The following SCMH1 variants were observed in gnomAD, a reference collection of about 807,000 sequenced individuals.
SCMH1 encodes Scm polycomb group protein homolog 1, also known as polycomb protein SCMH1.
In SCMH1, 37 loss-of-function variants were observed where a neutral mutation model predicts 70.8. The observed-to-expected ratio is 0.52, with a 90% CI of 0.40 to 0.69. SCMH1 has a LOEUF of 0.69. SCMH1 is among the 30% of genes least tolerant of loss of function. SCMH1 has a pLI of 0.00. For missense variants in SCMH1, 607 were observed against 827.3 expected (o/e 0.73, Z 3.27); for synonymous variants, 292 against 307.4 (o/e 0.95, Z 0.52).
intron 12 of SCMH1, among the ~76,000 whole-genome samples, chr1:41,039,798 G>A (rs1645860202): frequency 6.6e-6 from 1 of 151,984 alleles, no homozygotes; most frequent in Non-Finnish European, 1.5e-5. Flanking sequence ...CTTTCAAACT[G>A]TGTTCTACAG....
chr1:41,122,748 A>T (rs1672253448), intron 6 of SCMH1, among the ~76,000 whole-genome samples: 1 of 152,172 alleles, frequency 6.6e-6, no homozygotes, highest in Admixed American at 6.5e-5. Flanking sequence ...ACAAAGTCAG[A>T]TCTCTTTTAA....
At chr1:41,074,902 A>G (rs1657752051) in intron 9 of SCMH1, among the ~76,000 whole-genome samples, 1 of 152,150 alleles carries the variant, frequency 6.6e-6, no homozygotes, top group Admixed American at 6.5e-5. Context: ...TCGCTCTGTC[A>G]CCCAGGCTGC....
At chr1:41,089,593 T>A (rs145047330) in intron 8 of SCMH1, among the ~76,000 whole-genome samples, 46 of 152,210 alleles carry the variant, frequency 3.0e-4, no homozygotes, top group African/African-American at 1.1e-3. Flanking sequence ...GCTACCAGAG[T>A]GAGCCTGTTA....
exon 15 of SCMH1, chr1:41,028,085 G>T: frequency 7.2e-7 from 1 of 1,385,954 alleles, no homozygotes; most frequent in East Asian, 2.3e-5. Flanking sequence ...TTGGAGTCCT[G>T]AGGTGGCCCG....
intron 8 of SCMH1, among the ~76,000 whole-genome samples, chr1:41,101,356 T>C (rs1572122365): frequency 6.6e-6 from 1 of 152,184 alleles, no homozygotes; most frequent in East Asian, 1.9e-4. Flanking sequence ...AGGTGGGAGG[T>C]TGAATTTGAT....
chr1:41,044,568 G>A (rs1478790783), intron 12 of SCMH1, among the ~76,000 whole-genome samples: 1 of 152,160 alleles, frequency 6.6e-6, no homozygotes, highest in Non-Finnish European at 1.5e-5. Flanking sequence ...GAAGCAAATA[G>A]AAACTAGAGT....
intron 1 of SCMH1, among the ~76,000 whole-genome samples, chr1:41,216,129 T>C (rs925692589): frequency 2.0e-5 from 3 of 152,176 alleles, no homozygotes; most frequent in East Asian, 3.9e-4. Flanking sequence ...CAAATTGAAA[T>C]GACAGCCCTG....
intron 2 of SCMH1, among the ~76,000 whole-genome samples, chr1:41,166,219 C>T (rs568337147): frequency 6.6e-6 from 1 of 152,198 alleles, no homozygotes; most frequent in South Asian, 2.1e-4. Context: ...TTTATGCCAG[C>T]ATCATGCTTT....
chr1:41,121,833 G>A (rs972431150), intron 6 of SCMH1, among the ~76,000 whole-genome samples: 6 of 151,952 alleles, frequency 3.9e-5, no homozygotes, highest in African/African-American at 1.5e-4. Flanking sequence ...AGTTTAATAG[G>A]TGGCACCCCT....
chr1:41,070,146 C>T (rs942266519), intron 10 of SCMH1, among the ~76,000 whole-genome samples: 2 of 152,098 alleles, frequency 1.3e-5, no homozygotes, highest in African/African-American at 4.8e-5. Flanking sequence ...ATTACCCACC[C>T]ATTTCATCCA....
chr1:41,057,358 C>T (rs560832744), intron 10 of SCMH1, among the ~76,000 whole-genome samples: 4 of 152,058 alleles, frequency 2.6e-5, no homozygotes, highest in East Asian at 1.9e-4. Context: ...CTCCGCCTCC[C>T]GGGTTCAAGC....
intron 8 of SCMH1, among the ~76,000 whole-genome samples, chr1:41,108,000 A>C (rs1251959770): frequency 2.0e-5 from 3 of 152,210 alleles, no homozygotes; most frequent in Non-Finnish European, 2.9e-5. Flanking sequence ...TACCCTCCAG[A>C]CCAGTGTAAG....
intron 8 of SCMH1, among the ~76,000 whole-genome samples, chr1:41,096,075 A>G (rs1183601478): frequency 1.3e-5 from 2 of 152,232 alleles, no homozygotes; most frequent in Non-Finnish European, 2.9e-5. Flanking sequence ...AATGTTAACA[A>G]TAGCAAAAGA....
intron 10 of SCMH1, among the ~76,000 whole-genome samples, chr1:41,067,938 A>G (rs148015882): frequency 1.3e-5 from 2 of 152,296 alleles, no homozygotes; most frequent in African/African-American, 4.8e-5. Context: ...CTACCACTCA[A>G]TTTTGCTGTG....
chr1:41,172,919 T>C (rs900678108), intron 2 of SCMH1, among the ~76,000 whole-genome samples: 4 of 151,966 alleles, frequency 2.6e-5, no homozygotes, highest in African/African-American at 9.7e-5. Flanking sequence ...CTACCTCTCA[T>C]CATGTACAAA....
rs894767626 is a variant in SCMH1, at chr1:41,106,821, CA to C, written c.745+6461del. Among the ~76,000 whole-genome samples, 83 of 151,952 alleles carry C rather than the reference CA, an allele frequency of 5.5e-4. 2 individuals are homozygous for C. The highest frequency in any genetic ancestry group is 1.8e-3 in the African/African-American group (76 of 41,266). ...TCTCCTGCCTCAGCCTCCCGAGTAG[CA>C]GGGACTGCAGACGTCAGCCACCACA... On this transcript the variant is annotated intron_variant, in intron 8 of 14. Transcript: ENST00000337495.
At chr1:41,198,160 C>T (rs1164547040) in intron 1 of SCMH1, among the ~76,000 whole-genome samples, 1 of 152,144 alleles carries the variant, frequency 6.6e-6, no homozygotes, top group Non-Finnish European at 1.5e-5. Flanking sequence ...GAGGGTGCTG[C>T]CTCAGCCCCC....
chr1:41,201,283 G>T (rs114990372), intron 1 of SCMH1, among the ~76,000 whole-genome samples: 1 of 152,246 alleles, frequency 6.6e-6, no homozygotes, highest in South Asian at 2.1e-4. Context: ...ACAAACTTGA[G>T]GGTAAACATG....
chr1:41,108,838 T>G (rs980242936), intron 8 of SCMH1, among the ~76,000 whole-genome samples: 1 of 152,206 alleles, frequency 6.6e-6, no homozygotes, highest in African/African-American at 2.4e-5. Flanking sequence ...GAGGTAAAAG[T>G]GCCCACTAGG....
Sources: allele counts gnomAD v4.1 joint callset (sites outside exome capture counted in the v4.1 genomes callset), GRCh38; gene constraint gnomAD v4.1.1; transcripts MANE v1.5; gene names NCBI Gene and HGNC (gene_info 2026-07-23, HGNC 2026-07-21).